UST: variants seen among roughly 807,000 people sequenced by gnomAD.
UST encodes chondroitin sulfate 2-O-sulfotransferase.
In UST, 21 loss-of-function variants were observed where a neutral mutation model predicts 45.6. That is an observed-to-expected ratio of 0.46 (90% CI 0.33 to 0.66). The LOEUF (loss-of-function observed/expected upper bound fraction) is 0.66, where lower values mean the gene tolerates loss of function less well. Ranked by LOEUF, UST falls within the 30% of genes least tolerant of loss-of-function variation. The pLI is 0.02. For missense variants in UST, 463 were observed against 512.4 expected (o/e 0.90, Z 0.93); for synonymous variants, 215 against 200.6 (o/e 1.07, Z -0.61).
chr6:149,015,166 G>C (rs1775878516), intron 5 of UST, among the ~76,000 whole-genome samples: 1 of 152,178 alleles, frequency 6.6e-6, no homozygotes, highest in Admixed American at 6.5e-5. Context: ...CCATCTGGTG[G>C]AAACATTACA....
chr6:148,861,327 TG>T (rs1778308166), intron 1 of UST, among the ~76,000 whole-genome samples: 1 of 152,184 alleles, frequency 6.6e-6, no homozygotes, highest in Non-Finnish European at 1.5e-5. Flanking sequence ...TGTATTTCTG[TG>T]GGATCGGTGA....
At chr6:149,069,783 C>T (rs1776791130) in intron 7 of UST, among the ~76,000 whole-genome samples, 1 of 152,144 alleles carries the variant, frequency 6.6e-6, no homozygotes, top group African/African-American at 2.4e-5. Context: ...TTTTTCTGGC[C>T]TGAAATTAAT....
chr6:148,956,476 A>AC (rs757681369), intron 4 of UST, among the ~76,000 whole-genome samples: 23 of 152,292 alleles, frequency 1.5e-4, no homozygotes, highest in Non-Finnish European at 3.4e-4. Context: ...GGGGGAAACC[A>AC]CCCCATGATT....
At chr6:148,832,778 G>C (rs1237995528) in intron 1 of UST, among the ~76,000 whole-genome samples, 2 of 152,148 alleles carry the variant, frequency 1.3e-5, no homozygotes, top group African/African-American at 4.8e-5. Flanking sequence ...TTTCTATTTG[G>C]AGCTCGGTCA....
chr6:148,898,186 G>T (rs1779173084), intron 2 of UST, among the ~76,000 whole-genome samples: 1 of 152,188 alleles, frequency 6.6e-6, no homozygotes, highest in African/African-American at 2.4e-5. Context: ...TCACTCTGAT[G>T]AACATGACCT....
intron 2 of UST, among the ~76,000 whole-genome samples, chr6:148,892,234 G>A (rs960953249): frequency 2.6e-5 from 4 of 152,066 alleles, no homozygotes; most frequent in East Asian, 1.9e-4. Context: ...CTTCAGTGCC[G>A]TCGTGTGATG....
At chr6:149,023,435 A>C (rs1483170237) in intron 7 of UST, among the ~76,000 whole-genome samples, 1 of 152,210 alleles carries the variant, frequency 6.6e-6, no homozygotes, top group African/African-American at 2.4e-5. Flanking sequence ...CTGCAGCCCC[A>C]ACCAACATGT....
intron 1 of UST, among the ~76,000 whole-genome samples, chr6:148,820,005 G>A (rs1226371054): frequency 1.3e-5 from 2 of 152,056 alleles, no homozygotes; most frequent in African/African-American, 2.4e-5. Flanking sequence ...CTCTCTCTCC[G>A]GGTGCCAGCT....
At chr6:148,820,695 A>C (rs1483605024) in intron 1 of UST, among the ~76,000 whole-genome samples, 3 of 149,560 alleles carry the variant, frequency 2.0e-5, no homozygotes, top group East Asian at 2.0e-4. Context: ...CTAAAAATAC[A>C]AAAAAAAATT....
chr6:148,857,924 T>G (rs1250915490), intron 1 of UST, among the ~76,000 whole-genome samples: 1 of 151,840 alleles, frequency 6.6e-6, no homozygotes, highest in Non-Finnish European at 1.5e-5. Flanking sequence ...GAATCTTCAT[T>G]AGGCAAAAAA....
intron 1 of UST, among the ~76,000 whole-genome samples, chr6:148,758,466 A>G (rs1476796536): frequency 6.6e-6 from 1 of 152,224 alleles, no homozygotes; most frequent in Non-Finnish European, 1.5e-5. Flanking sequence ...TCTCTGGGAT[A>G]GCCAGCTGTT....
intron 2 of UST, among the ~76,000 whole-genome samples, chr6:148,898,412 T>C (rs1779177444): frequency 1.3e-5 from 2 of 152,182 alleles, no homozygotes; most frequent in Admixed American, 1.3e-4. Context: ...CCTTACATAA[T>C]AGGGTTATTG....
At chr6:148,869,940 A>G (rs566745980) in intron 1 of UST, among the ~76,000 whole-genome samples, 1 of 152,158 alleles carries the variant, frequency 6.6e-6, no homozygotes, top group Non-Finnish European at 1.5e-5. Context: ...TATTTTACCC[A>G]TTTAAAATTA....
chr6:148,783,276 A>G (rs1196480579), intron 1 of UST, among the ~76,000 whole-genome samples: 2 of 152,246 alleles, frequency 1.3e-5, no homozygotes, highest in Non-Finnish European at 2.9e-5. Context: ...TAACTTTTAT[A>G]TGCCTTGGAT....
At chr6:149,037,454 C>T (rs1232691439) in intron 7 of UST, among the ~76,000 whole-genome samples, 1 of 152,166 alleles carries the variant, frequency 6.6e-6, no homozygotes, top group Non-Finnish European at 1.5e-5. Context: ...TCAAAGAAAA[C>T]ACGGAGGCCC....
chr6:148,810,201 G>T (rs1777228742), intron 1 of UST, among the ~76,000 whole-genome samples: 1 of 152,166 alleles, frequency 6.6e-6, no homozygotes, highest in Admixed American at 6.5e-5. Flanking sequence ...GGGTTAAAAG[G>T]TTAGGAAGAG....
intron 7 of UST, among the ~76,000 whole-genome samples, chr6:149,035,489 T>C (rs1369211112): frequency 6.6e-6 from 1 of 152,086 alleles, no homozygotes; most frequent in Non-Finnish European, 1.5e-5. Context: ...ACATGGTGGC[T>C]CACACCTGGA....
chr6:148,832,411 CAACTG>C (rs77446696), intron 1 of UST, among the ~76,000 whole-genome samples: 1 of 152,248 alleles, frequency 6.6e-6, no homozygotes, highest in East Asian at 1.9e-4. Flanking sequence ...AAAAAACTAT[CAACTG>C]AACATCTTGC....
In UST at chr6:148,748,217, G is replaced by A. The variant is rs1775915003; in HGVS notation, c.247+540G>A. On this transcript the variant is annotated intron_variant, in intron 1 of 7. Coordinates refer to ENST00000367463, the MANE Select transcript of UST (RefSeq NM_005715.3). The surrounding 1 kb of genome is among the most constrained non-coding windows in gnomAD (Gnocchi z 5.3). ...CCCTAGTGGCTCCGCGCTGTCCCCGGGCTGGCTTGTCCCTTGGCTGCCGCT... is the reference window on the plus strand; with the variant it reads ...CCCTAGTGGCTCCGCGCTGTCCCCGAGCTGGCTTGTCCCTTGGCTGCCGCT... 6.6e-6 allele frequency among the ~76,000 whole-genome samples: 1 copy of A among 152,092 alleles called. No individual in the cohort carries two copies. The highest frequency in any genetic ancestry group is 1.5e-5 in the Non-Finnish European group (1 of 68,012).
Sources: allele counts gnomAD v4.1 joint callset (sites outside exome capture counted in the v4.1 genomes callset), GRCh38; gene constraint gnomAD v4.1.1; non-coding constraint Gnocchi (gnomAD v3.1); transcripts MANE v1.5; gene names NCBI Gene and HGNC (gene_info 2026-07-23, HGNC 2026-07-21).